TMPRSS15: variants seen among roughly 807,000 people sequenced by gnomAD.
The protein encoded by TMPRSS15 is transmembrane serine protease 15, also known as enteropeptidase.
TMPRSS15 carries 128 observed loss-of-function variants against 125.3 expected under a neutral mutation model. That is an observed-to-expected ratio of 1.02 (90% CI 0.89 to 1.18). The LOEUF (loss-of-function observed/expected upper bound fraction) is 1.18, where lower values mean the gene tolerates loss of function less well. Ranked by LOEUF, TMPRSS15 falls within the 50% of genes most tolerant of loss-of-function variation. The probability of loss-of-function intolerance (pLI) is 0.00; values close to 1 mark genes in which losing one functional copy is unlikely to be tolerated. For missense variants in TMPRSS15, 1,283 were observed against 1,212.7 expected (o/e 1.06, Z -0.86); for synonymous variants, 446 against 423.2 (o/e 1.05, Z -0.66).
In TMPRSS15 at chr21:18,365,279, A is replaced by C. The variant is rs572441900; in HGVS notation, c.665-31T>G. On this transcript the variant is annotated intron_variant, in intron 6 of 24. Coordinates refer to ENST00000284885, the MANE Select transcript of TMPRSS15 (RefSeq NM_002772.3). The stretch of plus-strand genomic sequence containing the variant: ...AAACGATGCCAATTAATGTTAGACA[A>C]AAACAATCTTGGGATTCAAATTGGC... 56 of 1,553,750 alleles carry C rather than the reference A, an allele frequency of 3.6e-5. No individual in the cohort carries two copies. The East Asian group carries it at 1.2e-3, about 33-fold the overall frequency.
intron 1 of TMPRSS15, among the ~76,000 whole-genome samples, chr21:18,443,317 G>A (rs201596932): frequency 6.6e-6 from 1 of 152,154 alleles, no homozygotes; most frequent in Non-Finnish European, 1.5e-5. Flanking sequence ...GGCAGCAGGG[G>A]ACACAGAAAG....
In TMPRSS15 at chr21:18,353,748, A is replaced by T; in HGVS notation, c.996T>A (p.Thr332=). 1 of 1,611,406 alleles carries T rather than the reference A, an allele frequency of 6.2e-7. No individual in the cohort carries two copies. Among genetic ancestry groups the T allele is most frequent in the South Asian group, 1.1e-5 (1 of 90,976 alleles). The change falls in exon 9 of 25, where the codon ACT becomes ACA. Residue 332 remains threonine (T), a synonymous_variant. Coordinates refer to ENST00000284885, the MANE Select transcript of TMPRSS15 (RefSeq NM_002772.3). ...SDYVGFNATY[T]AFNSSELNNY... The stretch of plus-strand genomic sequence containing the variant: ...TATTAAGCTCACTGCTGTTAAATGC[A>T]GTATATGTTGCATTAAAGCCAACAT...
chr21:18,460,485 GTGCAGTAATCAGAGTTC>G (rs1223895023), intron 1 of TMPRSS15: 3 of 152,104 alleles, frequency 2.0e-5, no homozygotes, highest in Admixed American at 2.0e-4. Context: ...TATCTGTACT[GTGCAGTAATCAGAGTTC>G]TGCAAATAAA....
At position 18,398,245 on chromosome 21, in the gene TMPRSS15, T is replaced by C. The variant is rs2824804; in HGVS notation, c.230A>G (p.Lys77Arg). The change falls in exon 2 of 25, where the codon AAA becomes AGA. Residue 77 changes from lysine to arginine, a missense_variant. Coordinates refer to ENST00000284885, the MANE Select transcript of TMPRSS15 (RefSeq NM_002772.3). ...GVTYNPNLQD[K>R]LSVDFKVLAF... ...AAGAACTTTGAAATCCACTGAGAGT[T>C]TGTCTTGCAAATTAGGATTATATGT... The C allele has an allele frequency of 0.086, 139,406 of 1,613,506 alleles. 6,831 individuals carry two copies. The highest frequency in any genetic ancestry group is 0.16 in the Admixed American group (9,755 of 60,016).
intron 1 of TMPRSS15, among the ~76,000 whole-genome samples, chr21:18,427,943 G>A (rs1320919561): frequency 7.2e-5 from 11 of 152,152 alleles, no homozygotes; most frequent in African/African-American, 2.2e-4. Flanking sequence ...ATCATGTAAG[G>A]CAGTCACAGA....
intron 15 of TMPRSS15, among the ~76,000 whole-genome samples, chr21:18,326,916 A>C (rs1601338864): frequency 6.6e-6 from 1 of 152,192 alleles, no homozygotes; most frequent in African/African-American, 2.4e-5. Flanking sequence ...AAAACAATGG[A>C]GTTTATAGTC....
intron 13 of TMPRSS15, among the ~76,000 whole-genome samples, chr21:18,333,853 T>C (rs1244785872): frequency 1.1e-5 from 1 of 91,808 alleles, no homozygotes; most frequent in Non-Finnish European, 2.3e-5. Context: ...TCTAAAGTAA[T>C]GTAAAAAATC....
At chr21:18,421,457 G>A (rs2076191848) in intron 1 of TMPRSS15, among the ~76,000 whole-genome samples, 1 of 152,128 alleles carries the variant, frequency 6.6e-6, no homozygotes, top group Admixed American at 6.5e-5. Flanking sequence ...TTACCTAATA[G>A]TTAAGGAAAA....
chr21:18,454,492 T>C (rs1978402626), intron 1 of TMPRSS15, among the ~76,000 whole-genome samples: 2 of 152,112 alleles, frequency 1.3e-5, no homozygotes, highest in African/African-American at 2.4e-5. Flanking sequence ...TCCCGTGATA[T>C]GCCAGTGAGC....
intron 8 of TMPRSS15, 50 bp downstream of exon 8, chr21:18,359,707 A>G (rs2147021723): frequency 3.4e-6 from 3 of 890,488 alleles, no homozygotes; most frequent in Non-Finnish European, 5.5e-6. Context: ...CCAAAAATTT[A>G]CCCACATATT....
At chr21:18,455,803 G>C (rs889023607) in intron 1 of TMPRSS15, among the ~76,000 whole-genome samples, 3 of 152,124 alleles carry the variant, frequency 2.0e-5, no homozygotes, top group Non-Finnish European at 2.9e-5. Context: ...TAGAAGAGAA[G>C]GGATAAAAAG....
chr21:18,394,319 G>A (rs570956461), intron 3 of TMPRSS15, among the ~76,000 whole-genome samples: 74 of 152,132 alleles, frequency 4.9e-4, no homozygotes, highest in African/African-American at 1.8e-3. Context: ...GGGAAGATAA[G>A]GAAAATTCTG....
At chr21:18,300,973 G>T (rs541709416) in intron 18 of TMPRSS15, among the ~76,000 whole-genome samples, 17 of 152,200 alleles carry the variant, frequency 1.1e-4, no homozygotes, top group African/African-American at 3.9e-4. Flanking sequence ...ATGGATAAAA[G>T]ATGTGTAATC....
At chr21:18,418,631 G>A (rs1431627587) in intron 1 of TMPRSS15, among the ~76,000 whole-genome samples, 4 of 152,106 alleles carry the variant, frequency 2.6e-5, no homozygotes, top group Non-Finnish European at 5.9e-5. Context: ...TTTGGTCTAC[G>A]TATTCTTTTG....
intron 1 of TMPRSS15, among the ~76,000 whole-genome samples, chr21:18,459,712 T>C (rs1279664667): frequency 1.3e-5 from 2 of 152,250 alleles, no homozygotes; most frequent in African/African-American, 2.4e-5. Flanking sequence ...AATTTTACAA[T>C]TGACTTGTCA....
chr21:18,430,743 G>A (rs1260934812), intron 1 of TMPRSS15, among the ~76,000 whole-genome samples: 1 of 152,084 alleles, frequency 6.6e-6, no homozygotes, highest in African/African-American at 2.4e-5. Flanking sequence ...GAGACACAGG[G>A]AAAACAAGGA....
chr21:18,429,893 C>T (rs533324099), intron 1 of TMPRSS15, among the ~76,000 whole-genome samples: 1 of 152,284 alleles, frequency 6.6e-6, no homozygotes, highest in South Asian at 2.1e-4. Context: ...TAATATATTT[C>T]ACATCCATTA....
chr21:18,442,572 C>T (rs946047159), intron 1 of TMPRSS15, among the ~76,000 whole-genome samples: 1 of 152,186 alleles, frequency 6.6e-6, no homozygotes, highest in Non-Finnish European at 1.5e-5. Context: ...GGAGAAAAAA[C>T]TCCCTTGCAT....
rs1318351672 is a variant in TMPRSS15 at position 18,361,491 on chromosome 21, T to C, written c.774-1628A>G. ...GAGCCCTGAGAAGTGGTCTGGCCTC[T>C]GACTCTGGCCATGGAGGATACTGAG... On this transcript the variant is annotated intron_variant, in intron 7 of 24. Coordinates refer to ENST00000284885, the MANE Select transcript of TMPRSS15 (RefSeq NM_002772.3). Among the ~76,000 whole-genome samples, 3 of 152,146 alleles carry C rather than the reference T, an allele frequency of 2.0e-5. No individual in the cohort carries two copies. The East Asian group carries it at 5.8e-4, about 29-fold the overall frequency.
Sources: gnomAD v4.1 joint callset for allele counts (sites outside exome capture counted in the v4.1 genomes callset) on GRCh38, gnomAD v4.1.1 for gene constraint, MANE v1.5 for transcripts, NCBI Gene and HGNC (gene_info 2026-07-23, HGNC 2026-07-21) for gene names.